Variants in TGFB2 observed in about 807,000 individuals in gnomAD.
TGFB2 encodes the protein transforming growth factor beta 2, also known as transforming growth factor beta-2 proprotein.
A neutral mutation model predicts 42.7 loss-of-function variants in TGFB2; 13 were observed. The ratio of observed to expected loss-of-function variants is 0.30; its 90% confidence interval spans 0.20 to 0.48. The LOEUF is 0.48. Ranked by LOEUF, TGFB2 falls within the 20% of genes least tolerant of loss-of-function variation. The pLI is 0.99. For synonymous variants in TGFB2, 193 were observed against 193.6 expected, an observed-to-expected ratio of 1.00 and a Z score of 0.03; for missense variants, 390 against 517.5, an observed-to-expected ratio of 0.75 and a Z score of 2.39.
At chr1:218,406,988 T>G (rs1192980892) in intron 2 of TGFB2, among the ~76,000 whole-genome samples, 1 of 152,226 alleles carries the variant, frequency 6.6e-6, no homozygotes, top group Non-Finnish European at 1.5e-5. Context: ...GAATTTGTGA[T>G]AATTAGGATC....
rs863223789 is a variant in TGFB2, at chr1:218,405,193, G to A, written c.371G>A (p.Arg124Lys). ...SENAIPPTFYRPYFRIVRFDV... is the reference protein window; with the variant it reads ...SENAIPPTFYKPYFRIVRFDV... ...GATGCCATCCCGCCCACTTTCTACA[G>A]ACCCTACTTCAGAATTGTTCGATTT... The change falls in exon 2 of 7, where the codon AGA (arginine) becomes AAA (lysine). Residue 124 changes from arginine to lysine, a missense_variant. Coordinates refer to ENST00000366930, the MANE Select transcript of TGFB2 (RefSeq NM_003238.6). 10 of 1,602,846 alleles carry A rather than the reference G, an allele frequency of 6.2e-6. No individual in the cohort carries two copies. Among genetic ancestry groups the A allele is most frequent in the Admixed American group, 1.7e-5 (1 of 59,446 alleles).
At position 218,442,540 on chromosome 1, in the gene TGFB2, T is replaced by C. The variant is rs1202169223; in HGVS notation, c.*1178T>C. ...ATGTATGTTTCTTTTAGCTGGCCAGTACTTTTGAGTAAAGCCCCTATAGTT... is the reference window on the plus strand; with the variant it reads ...ATGTATGTTTCTTTTAGCTGGCCAGCACTTTTGAGTAAAGCCCCTATAGTT... On this transcript the variant is annotated 3_prime_UTR_variant, in exon 7 of 7. Transcript: ENST00000366930. 3 of 152,162 alleles carry C rather than the reference T, an allele frequency of 2.0e-5. No individual in the cohort carries two copies. Among genetic ancestry groups the C allele is most frequent in the Non-Finnish European group, 4.4e-5 (3 of 67,996 alleles). 9.4% of individuals were successfully genotyped at this position (152,162 alleles called of 1,614,324 possible).
At chr1:218,381,718 A>G (rs1436783627) in intron 1 of TGFB2, among the ~76,000 whole-genome samples, 1 of 152,190 alleles carries the variant, frequency 6.6e-6, no homozygotes, top group Non-Finnish European at 1.5e-5. Flanking sequence ...ATTTTCTGCG[A>G]TGTTCCTAAA....
rs770520991 is a variant in TGFB2 at position 218,441,460 on chromosome 1, C to A, written c.*98C>A. The A allele has an allele frequency of 4.4e-6, 6 of 1,352,644 alleles. No individual in the cohort carries two copies. The South Asian group carries it at 7.7e-5, about 17-fold the overall frequency. 83.8% of individuals were successfully genotyped at this position (1,352,644 alleles called of 1,614,324 possible). A position where few individuals can be genotyped will look rare whatever the true frequency, so the allele number is the denominator to read the frequency against. On this transcript the variant is annotated 3_prime_UTR_variant, in exon 7 of 7. Transcript: ENST00000366930. ...CTTGTAACAAGAAAACATAAGAGAG[C>A]CTTGGTTCATCAGTGTTAAAAAATT...
At chr1:218,438,467 G>C (rs1345548999) in intron 6 of TGFB2, among the ~76,000 whole-genome samples, 1 of 152,142 alleles carries the variant, frequency 6.6e-6, no homozygotes, top group Non-Finnish European at 1.5e-5. Context: ...TTATCAGTAA[G>C]AAGGAATGTC....
At chr1:218,385,522 C>G (rs1456703382) in intron 1 of TGFB2, among the ~76,000 whole-genome samples, 1 of 152,160 alleles carries the variant, frequency 6.6e-6, no homozygotes, top group Non-Finnish European at 1.5e-5. Context: ...CCCCTTTATC[C>G]CTTTAGCCAT....
chr1:218,376,342 C>T (rs1657741080), intron 1 of TGFB2, among the ~76,000 whole-genome samples: 1 of 152,212 alleles, frequency 6.6e-6, no homozygotes, highest in Non-Finnish European at 1.5e-5. Context: ...CTTGTCATTT[C>T]ACTTTAAGCT....
intron 1 of TGFB2, among the ~76,000 whole-genome samples, chr1:218,377,562 T>C (rs577988577): frequency 2.0e-5 from 3 of 152,288 alleles, no homozygotes; most frequent in African/African-American, 7.2e-5. Context: ...ATTCATTCAA[T>C]GTAGTCCTCC....
At chr1:218,415,406 A>G (rs1056775463) in intron 2 of TGFB2, among the ~76,000 whole-genome samples, 1 of 152,096 alleles carries the variant, frequency 6.6e-6, no homozygotes, top group Non-Finnish European at 1.5e-5. Flanking sequence ...TAAGTTGCAG[A>G]TGAGCAGGCC....
At chr1:218,384,898 T>C (rs1232056861) in intron 1 of TGFB2, among the ~76,000 whole-genome samples, 1 of 152,210 alleles carries the variant, frequency 6.6e-6, no homozygotes, top group Non-Finnish European at 1.5e-5. Flanking sequence ...TGGCTGCAGA[T>C]GCTTCAGAGG....
chr1:218,436,646 C>T (rs927692805), intron 5 of TGFB2, among the ~76,000 whole-genome samples: 2 of 152,148 alleles, frequency 1.3e-5, no homozygotes, highest in African/African-American at 4.8e-5. Flanking sequence ...TTTCCCATTC[C>T]CACATGAGTG....
intron 2 of TGFB2, among the ~76,000 whole-genome samples, chr1:218,427,236 C>T (rs1431413700): frequency 1.3e-5 from 2 of 151,942 alleles, no homozygotes; most frequent in African/African-American, 4.8e-5. Flanking sequence ...TTTTTATCGC[C>T]AGCAGAAACT....
chr1:218,437,575 A>C, intron 6 of TGFB2, 79 bp downstream of exon 6: 1 of 1,442,336 alleles, frequency 6.9e-7, no homozygotes. Context: ...AATGAGTTGT[A>C]ATTAACCTCG....
chr1:218,378,068 C>T (rs752031087), intron 1 of TGFB2, among the ~76,000 whole-genome samples: 1 of 152,162 alleles, frequency 6.6e-6, no homozygotes, highest in Admixed American at 6.5e-5. Context: ...CGCCGCCTCC[C>T]GGGTTCAAGC....
intron 1 of TGFB2, among the ~76,000 whole-genome samples, chr1:218,355,419 GT>G (rs1478941958): frequency 6.6e-6 from 1 of 152,176 alleles, no homozygotes; most frequent in Non-Finnish European, 1.5e-5. Flanking sequence ...AATGGAAGCG[GT>G]AACATCAAAG....
At chr1:218,370,693 G>C (rs1657543442) in intron 1 of TGFB2, among the ~76,000 whole-genome samples, 1 of 152,310 alleles carries the variant, frequency 6.6e-6, no homozygotes, top group Admixed American at 6.5e-5. Context: ...AGATGGCCTT[G>C]TGGGATGGCT....
At chr1:218,434,277 A>T in intron 3 of TGFB2, 61 bp from the exon 4 acceptor site, 1 of 1,610,926 alleles carries the variant, frequency 6.2e-7, no homozygotes, top group Non-Finnish European at 8.5e-7. Context: ...CTTTAAATTG[A>T]TTGCAGATTT....
chr1:218,439,964 C>T (rs1040553395), intron 6 of TGFB2, among the ~76,000 whole-genome samples: 1 of 152,170 alleles, frequency 6.6e-6, no homozygotes, highest in Non-Finnish European at 1.5e-5. Context: ...CAGTGAATCT[C>T]GAGGAAAAGG....
intron 2 of TGFB2, among the ~76,000 whole-genome samples, chr1:218,410,799 C>A (rs1659069377): frequency 6.6e-6 from 1 of 152,198 alleles, no homozygotes; most frequent in Admixed American, 6.5e-5. Context: ...TAAATTTGAA[C>A]ACACCTTTCT....
Sources: allele counts gnomAD v4.1 joint callset (sites outside exome capture counted in the v4.1 genomes callset), GRCh38; gene constraint gnomAD v4.1.1; transcripts MANE v1.5; gene names NCBI Gene and HGNC (gene_info 2026-07-23, HGNC 2026-07-21).